Variants in TCERG1L observed in about 807,000 individuals in gnomAD.
The protein encoded by TCERG1L is transcription elongation regulator 1 like, also known as transcription elongation regulator 1-like protein.
Under a neutral mutation model 56.3 loss-of-function variants are expected in TCERG1L, and 37 were observed. The ratio of observed to expected loss-of-function variants is 0.66; its 90% CI spans 0.51 to 0.87. The LOEUF is 0.87. TCERG1L is among the 40% of genes least tolerant of loss of function. TCERG1L has a pLI of 0.00. For synonymous variants in TCERG1L, 324 were observed against 326.3 expected (o/e 0.99, Z 0.08); for missense variants, 799 against 774.2 (o/e 1.03, Z -0.38).
At chr10:131,129,103 C>T (rs992456630) in intron 8 of TCERG1L, among the ~76,000 whole-genome samples, 32 of 151,790 alleles carry the variant, frequency 2.1e-4, no homozygotes, top group African/African-American at 7.3e-4. Flanking sequence ...AAAAATGAAG[C>T]GTGAAAGGGA....
intron 3 of TCERG1L, among the ~76,000 whole-genome samples, chr10:131,266,110 T>C (rs903882294): frequency 1.3e-5 from 2 of 152,266 alleles, no homozygotes; most frequent in African/African-American, 4.8e-5. Context: ...CAGGAGTAGA[T>C]TCCATCTCAA....
intron 8 of TCERG1L, among the ~76,000 whole-genome samples, chr10:131,134,066 T>A (rs545674254): frequency 6.6e-6 from 1 of 152,282 alleles, no homozygotes; most frequent in South Asian, 2.1e-4. Flanking sequence ...TGGCACCTCC[T>A]ATGCACCTGG....
chr10:131,170,442 C>A (rs570854367), intron 4 of TCERG1L, among the ~76,000 whole-genome samples: 1 of 152,016 alleles, frequency 6.6e-6, no homozygotes, highest in East Asian at 1.9e-4. Context: ...TTCCGCCCTC[C>A]GAGAGAGGCA....
chr10:131,311,387 C>A lies in TCERG1L; in HGVS notation c.249G>T (p.Pro83=). 1 of 1,189,346 alleles carries A rather than the reference C, an allele frequency of 8.4e-7. No homozygotes were observed. Among genetic ancestry groups the A allele is most frequent in the Non-Finnish European group, 1.0e-6 (1 of 962,108 alleles). The allele number at this position is 1,189,346 out of a possible 1,614,324, so 73.7% of individuals were successfully genotyped here. The change falls in exon 1 of 12, where the codon CCG becomes CCT. Residue 83 remains proline, a synonymous_variant. Coordinates refer to ENST00000368642, the MANE Select transcript of TCERG1L (RefSeq NM_174937.4). The surrounding 1 kb of genome is among the most constrained non-coding windows in gnomAD (Gnocchi z 4.0). ...GCAGCAGCGGGAGCACCGGCTCGCT[C>A]GGGGCCGGCCAGCCGGGGAGACCGG... The part of the protein sequence containing the change: ...LLPGLPGWPA[P]SEPVLPLLPL...
At chr10:131,144,421 CA>C (rs1329517749) in intron 7 of TCERG1L, among the ~76,000 whole-genome samples, 1 of 152,158 alleles carries the variant, frequency 6.6e-6, no homozygotes, top group Non-Finnish European at 1.5e-5. Context: ...GCTCCCCGAT[CA>C]CGAATTAACC....
At chr10:131,230,621 G>C (rs1845840262) in intron 4 of TCERG1L, among the ~76,000 whole-genome samples, 1 of 152,238 alleles carries the variant, frequency 6.6e-6, no homozygotes, top group Admixed American at 6.5e-5. Context: ...GTGTGGATGT[G>C]AGACAGTGGG....
intron 4 of TCERG1L, among the ~76,000 whole-genome samples, chr10:131,231,437 C>T (rs1398067409): frequency 6.6e-6 from 1 of 152,220 alleles, no homozygotes; most frequent in Non-Finnish European, 1.5e-5. Flanking sequence ...AGAGAAATGA[C>T]TGAGACTCCA....
chr10:131,257,910 T>C (rs1268553691), intron 4 of TCERG1L, among the ~76,000 whole-genome samples: 1 of 152,242 alleles, frequency 6.6e-6, no homozygotes, highest in African/African-American at 2.4e-5. Flanking sequence ...GTGGGACTTA[T>C]CTTCCAAATA....
intron 8 of TCERG1L, among the ~76,000 whole-genome samples, chr10:131,129,489 C>T (rs117080518): frequency 0.011 from 1,630 of 152,290 alleles, 11 homozygotes; most frequent in Non-Finnish European, 0.014. Context: ...CTGTGTTATT[C>T]CAGCTTTTAT....
In TCERG1L at chr10:131,185,588, C is replaced by G. The variant is rs547476078; in HGVS notation, c.857-18703G>C. Reference sequence around the variant, plus strand: ...TTGAAAATGAGCAAATGACTCAAATCATCATTTTGCCAAAGAAGATACACA... The same window carrying G: ...TTGAAAATGAGCAAATGACTCAAATGATCATTTTGCCAAAGAAGATACACA... On this transcript the variant is annotated intron_variant, in intron 4 of 11. Transcript: ENST00000368642. 2.6e-5 allele frequency among the ~76,000 whole-genome samples: 4 copies of G among 152,230 alleles called. No individual in the cohort carries two copies. The South Asian group carries it at 8.3e-4, about 32-fold the overall frequency.
At chr10:131,168,385 C>T (rs927325134) in intron 4 of TCERG1L, among the ~76,000 whole-genome samples, 3 of 152,182 alleles carry the variant, frequency 2.0e-5, no homozygotes, top group Non-Finnish European at 4.4e-5. Flanking sequence ...TCATGTCCTC[C>T]GTGGGCATTG....
chr10:131,263,662 T>C (rs2133546436), intron 3 of TCERG1L, among the ~76,000 whole-genome samples: 1 of 152,358 alleles, frequency 6.6e-6, no homozygotes, highest in South Asian at 2.1e-4. Context: ...TAAACAACCG[T>C]CTGCAAACAG....
intron 4 of TCERG1L, among the ~76,000 whole-genome samples, chr10:131,226,187 C>T (rs532858834): frequency 4.6e-5 from 7 of 152,150 alleles, no homozygotes; most frequent in African/African-American, 9.7e-5. Context: ...GCAATCCGCC[C>T]GCCTCAGCTT....
chr10:131,136,742 C>A (rs114090793), intron 7 of TCERG1L, among the ~76,000 whole-genome samples: 8,500 of 151,612 alleles, frequency 0.056, 364 homozygotes, highest in South Asian at 0.22. Context: ...GTGATTCGCC[C>A]CCCTCAGCCT....
intron 3 of TCERG1L, among the ~76,000 whole-genome samples, chr10:131,291,388 A>G (rs1425870643): frequency 8.2e-6 from 1 of 121,808 alleles, no homozygotes; most frequent in Non-Finnish European, 1.6e-5. Flanking sequence ...TGTATATTCC[A>G]TAAACAGCAT....
intron 7 of TCERG1L, among the ~76,000 whole-genome samples, chr10:131,139,341 C>T (rs1845707845): frequency 6.6e-6 from 1 of 152,240 alleles, no homozygotes; most frequent in African/African-American, 2.4e-5. Flanking sequence ...GCACAAAGCA[C>T]ATGACCCAGA....
At chr10:131,256,982 AAGG>A (rs1304594414) in intron 4 of TCERG1L, among the ~76,000 whole-genome samples, 11 of 85,414 alleles carry the variant, frequency 1.3e-4, no homozygotes, top group East Asian at 9.5e-4. Context: ...GGAAGGAAGG[AAGG>A]AAGGAAGGAA....
In TCERG1L at chr10:131,189,412, G is replaced by C. The variant is rs569043553; in HGVS notation, c.857-22527C>G. 8.5e-5 allele frequency among the ~76,000 whole-genome samples: 13 copies of C among 152,244 alleles called. No individual in the cohort carries two copies. The East Asian group carries it at 2.1e-3, about 25-fold the overall frequency. ...GTACACATCATTTAGCTTCCACATT[G>C]AGTGAGAACATGTGGTATCTGACCC... On this transcript the variant is annotated intron_variant, in intron 4 of 11. Transcript: ENST00000368642.
intron 4 of TCERG1L, among the ~76,000 whole-genome samples, chr10:131,203,835 G>T (rs567027033): frequency 9.8e-5 from 15 of 152,308 alleles, no homozygotes; most frequent in African/African-American, 1.9e-4. Flanking sequence ...TCCTCCAAGT[G>T]GGGGGTGGGC....
Sources: gnomAD v4.1 joint callset for allele counts (sites outside exome capture counted in the v4.1 genomes callset) on GRCh38, gnomAD v4.1.1 for gene constraint, Gnocchi (gnomAD v3.1) non-coding constraint, MANE v1.5 for transcripts, NCBI Gene and HGNC (gene_info 2026-07-23, HGNC 2026-07-21) for gene names.